Variants in TDRD9 observed in about 807,000 individuals in gnomAD.
TDRD9 encodes the protein ATP-dependent RNA helicase TDRD9.
A neutral mutation model predicts 172.6 loss-of-function variants in TDRD9; 124 were observed. The ratio of observed to expected loss-of-function variants is 0.72; its 90% CI spans 0.62 to 0.83. The LOEUF (loss-of-function observed/expected upper bound fraction) is 0.83. Among genes scored for constraint, TDRD9 ranks in the 40% least tolerant of loss-of-function variants. The probability of loss-of-function intolerance (pLI) is 0.00; values close to 1 mark genes in which losing one functional copy is unlikely to be tolerated. For synonymous variants in TDRD9, 619 were observed against 617.1 expected (o/e 1.00, Z -0.05); for missense variants, 1,479 against 1,714.1 (o/e 0.86, Z 2.42).
intron 1 of TDRD9, among the ~76,000 whole-genome samples, chr14:103,953,569 T>C (rs2032052312): frequency 1.3e-5 from 2 of 149,442 alleles, no homozygotes; most frequent in African/African-American, 2.5e-5. Flanking sequence ...GACGTCTCAC[T>C]ATATACCTTC....
At chr14:103,982,921 A>T (rs2033531348) in intron 7 of TDRD9, among the ~76,000 whole-genome samples, 1 of 152,168 alleles carries the variant, frequency 6.6e-6, no homozygotes, top group Non-Finnish European at 1.5e-5. Flanking sequence ...AACAAAACAA[A>T]ATTATAAAGA....
chr14:103,954,032 T>C (rs1040615416), intron 1 of TDRD9, among the ~76,000 whole-genome samples: 3 of 152,194 alleles, frequency 2.0e-5, no homozygotes, highest in Non-Finnish European at 4.4e-5. Context: ...TTGTCTCAAA[T>C]TTCAAGAATC....
In TDRD9 at chr14:103,980,911, G is replaced by A. The variant is rs925560628; in HGVS notation, c.1012-5306G>A. Reference sequence around the variant, plus strand: ...CTATGTCCCCTCAGCTCCTGTCTCTGTATGGCCTGGTTTTTCCTAGGTTAT... The same window carrying A: ...CTATGTCCCCTCAGCTCCTGTCTCTATATGGCCTGGTTTTTCCTAGGTTAT... On this transcript the variant is annotated intron_variant, in intron 7 of 35. Coordinates refer to ENST00000409874, the MANE Select transcript of TDRD9 (RefSeq NM_153046.3). The surrounding 1 kb of genome is among the most constrained non-coding windows in gnomAD (Gnocchi z 4.5). Among the ~76,000 whole-genome samples the A allele has an allele frequency of 2.0e-5, 3 of 152,026 alleles. No homozygotes were observed. The highest frequency in any genetic ancestry group is 3.9e-4 in the East Asian group (2 of 5,188).
intron 1 of TDRD9, chr14:103,940,837 C>G: frequency 2.6e-6 from 4 of 1,535,214 alleles, no homozygotes; most frequent in Middle Eastern, 1.7e-4. Flanking sequence ...TGGTAGGTTC[C>G]ATATTCTGTG....
chr14:103,952,194 A>C (rs539085294), intron 1 of TDRD9, among the ~76,000 whole-genome samples: 1 of 26,994 alleles, frequency 3.7e-5, no homozygotes, highest in Non-Finnish European at 6.4e-5. Flanking sequence ...GTGTGTGTAT[A>C]TATATATATA....
intron 20 of TDRD9, 66 bp from the exon 21 acceptor site, chr14:104,014,659 A>G: frequency 1.2e-6 from 1 of 847,318 alleles, no homozygotes; most frequent in South Asian, 1.4e-5. Flanking sequence ...CTTATTTTCT[A>G]GTGTTTTCAC....
At chr14:104,010,712 T>C (rs181190317) in intron 20 of TDRD9, among the ~76,000 whole-genome samples, 9 of 152,246 alleles carry the variant, frequency 5.9e-5, no homozygotes, top group African/African-American at 2.2e-4. Context: ...TCAAGTACAG[T>C]CATCCCTTGG....
chr14:103,951,471 T>C (rs1376553770), intron 1 of TDRD9, among the ~76,000 whole-genome samples: 1 of 152,244 alleles, frequency 6.6e-6, no homozygotes, highest in Non-Finnish European at 1.5e-5. Context: ...CACTGATAGT[T>C]TGCATAATTA....
Position 104,026,917 on chromosome 14 carries a change from C to G in TDRD9, c.3260C>G (p.Thr1087Arg), listed in dbSNP as rs368160012. 6.2e-7 allele frequency: 1 copy of G among 1,613,822 alleles called. No homozygotes were observed. The highest frequency in any genetic ancestry group is 1.7e-5 in the Admixed American group (1 of 59,996). Reference sequence around the variant, plus strand: ...ATCCAGCAGGGCTATGCCGAGCTCACGGAGGAGTCCTACGAGTCCAAGGTG... The same window carrying G: ...ATCCAGCAGGGCTATGCCGAGCTCAGGGAGGAGTCCTACGAGTCCAAGGTG... ...VLIQQGYAEL[T>R]EESYESKQSH... Residue 1087 changes from threonine to arginine, a missense_variant, in exon 28 of 36, where the codon ACG (threonine) becomes AGG (arginine). This residue lies in a region of TDRD9 where 1,413 missense variants were observed against 1,649.1 expected (regional missense o/e 0.86). Coordinates refer to ENST00000409874, the MANE Select transcript of TDRD9 (RefSeq NM_153046.3).
chr14:103,964,358 TTTGCAGA>T (rs1217832893), intron 3 of TDRD9, among the ~76,000 whole-genome samples: 4 of 152,218 alleles, frequency 2.6e-5, no homozygotes, highest in African/African-American at 9.6e-5. Flanking sequence ...AGTAGAATTA[TTTGCAGA>T]TTCATTACAA....
rs1482860554 is a variant in TDRD9 at position 103,980,015 on chromosome 14, A to G, written c.1011+4462A>G. ...CTCAGCCTTCCAAGAAGCTATGACT[A>G]CAGATGCATACCACCATGCTTGGCT... On this transcript the variant is annotated intron_variant, in intron 7 of 35. Coordinates refer to ENST00000409874, the MANE Select transcript of TDRD9 (RefSeq NM_153046.3). The surrounding 1 kb of genome is among the most constrained non-coding windows in gnomAD (Gnocchi z 4.5). Among the ~76,000 whole-genome samples the G allele has an allele frequency of 6.6e-6, 1 of 151,944 alleles. No individual in the cohort carries two copies. The highest frequency in any genetic ancestry group is 2.4e-5 in the African/African-American group (1 of 41,350).
At chr14:104,030,330 T>G (rs1473978485) in intron 28 of TDRD9, among the ~76,000 whole-genome samples, 1 of 152,090 alleles carries the variant, frequency 6.6e-6, no homozygotes, top group Non-Finnish European at 1.5e-5. Flanking sequence ...CCATCTCTAC[T>G]AAAAATACAA....
intron 6 of TDRD9, among the ~76,000 whole-genome samples, chr14:103,973,146 T>G (rs1456672392): frequency 1.3e-4 from 20 of 152,192 alleles, no homozygotes. Flanking sequence ...TTCACTGTGT[T>G]CATGATTTAT....
At chr14:104,048,897 C>G (rs1466339692) in intron 34 of TDRD9, among the ~76,000 whole-genome samples, 1 of 152,150 alleles carries the variant, frequency 6.6e-6, no homozygotes, top group Admixed American at 6.5e-5. Flanking sequence ...GATCACATAG[C>G]CTTTATGGCC....
intron 26 of TDRD9, 21 bp from the exon 27 acceptor site, chr14:104,026,026 T>C (rs1251321680): frequency 7.3e-6 from 11 of 1,516,110 alleles, no homozygotes; most frequent in Non-Finnish European, 1.0e-5. Context: ...TCGTAAAGTG[T>C]ATACTTGCTT....
rs2035364840 is a variant in TDRD9 at position 104,033,977 on chromosome 14, A to T, written c.3527A>T (p.Lys1176Met). The T allele has an allele frequency of 5.8e-6, 9 of 1,550,318 alleles. No individual in the cohort carries two copies. Among genetic ancestry groups the T allele is most frequent in the Non-Finnish European group, 7.9e-6 (9 of 1,145,520 alleles). Residue 1176 changes from lysine to methionine, a missense_variant, in exon 31 of 36, where the codon AAG (lysine) becomes ATG (methionine). By Grantham distance (95) the Lys-to-Met change is moderately conservative. This residue lies in a region of TDRD9 where 1,413 missense variants were observed against 1,649.1 expected (regional missense o/e 0.86). Coordinates refer to ENST00000409874, the MANE Select transcript of TDRD9 (RefSeq NM_153046.3). ...ISKFRCVWIE[K>M]ESINSVIISD... is the part of the protein sequence containing the mutation. ...CCTTTTAGGTGTGTTTGGATTGAGAAGGAGAGCATCAACTCTGTCATTATC... is the reference window on the plus strand; with the variant it reads ...CCTTTTAGGTGTGTTTGGATTGAGATGGAGAGCATCAACTCTGTCATTATC...
intron 1 of TDRD9, among the ~76,000 whole-genome samples, chr14:103,955,171 C>T (rs900967275): frequency 1.8e-4 from 27 of 152,096 alleles, no homozygotes; most frequent in African/African-American, 6.3e-4. Context: ...GTGATCCAGC[C>T]GCCTTGGCCT....
intron 1 of TDRD9, among the ~76,000 whole-genome samples, chr14:103,935,846 T>G (rs1171331687): frequency 6.6e-6 from 1 of 152,172 alleles, no homozygotes; most frequent in Non-Finnish European, 1.5e-5. Flanking sequence ...TTGTATATTA[T>G]TTTTCCCACA....
intron 27 of TDRD9, 128 bp downstream of exon 27, chr14:104,026,264 A>G (rs1376767357): frequency 6.1e-6 from 4 of 650,640 alleles, no homozygotes; most frequent in Non-Finnish European, 1.1e-5. Context: ...ACAGGGAGGG[A>G]CTTGCTTTGT....
Sources: allele counts gnomAD v4.1 joint callset (sites outside exome capture counted in the v4.1 genomes callset), GRCh38; gene constraint gnomAD v4.1.1; regional missense constraint gnomAD v4.1.1; non-coding constraint Gnocchi (gnomAD v3.1); transcripts MANE v1.5; gene names NCBI Gene and HGNC (gene_info 2026-07-23, HGNC 2026-07-21).